Variants in HS3ST5 observed in about 807,000 individuals in gnomAD.
HS3ST5 encodes heparan sulfate glucosamine 3-O-sulfotransferase 5.
Under a neutral mutation model 25.4 loss-of-function variants are expected in HS3ST5, and 10 were observed. The observed-to-expected ratio is 0.39, with a 90% CI of 0.24 to 0.67. The LOEUF is 0.67. HS3ST5 is among the 30% of genes least tolerant of loss of function. HS3ST5 has a pLI of 0.44. For synonymous variants in HS3ST5, 170 were observed against 162.4 expected, an observed-to-expected ratio of 1.05 and a Z score of -0.36; for missense variants, 324 against 420.7, an observed-to-expected ratio of 0.77 and a Z score of 2.01.
At chr6:114,185,674 CATA>C (rs1323770726) in intron 2 of HS3ST5, among the ~76,000 whole-genome samples, 1 of 151,858 alleles carries the variant, frequency 6.6e-6, no homozygotes, top group Non-Finnish European at 1.5e-5. Flanking sequence ...TGGTAATTCT[CATA>C]ATATTTCAAG....
intron 3 of HS3ST5, 81 bp from the exon 4 acceptor site, chr6:114,062,958 G>T: frequency 1.4e-6 from 1 of 724,066 alleles, no homozygotes; most frequent in South Asian, 1.7e-5. Context: ...TGGAAGACAG[G>T]TGATAAGTGA....
chr6:114,220,234 A>T (rs1033807859), intron 2 of HS3ST5, among the ~76,000 whole-genome samples: 2 of 152,046 alleles, frequency 1.3e-5, no homozygotes, highest in African/African-American at 4.8e-5. Context: ...CAAATGCATA[A>T]TTTTTTATGA....
intron 1 of HS3ST5, among the ~76,000 whole-genome samples, chr6:114,316,448 T>C (rs1248202096): frequency 6.6e-6 from 1 of 152,190 alleles, no homozygotes. Flanking sequence ...CTGGAACACA[T>C]CCAGTATTGT....
chr6:114,111,620 A>G (rs1776273318), intron 3 of HS3ST5, among the ~76,000 whole-genome samples: 1 of 152,138 alleles, frequency 6.6e-6, no homozygotes, highest in Non-Finnish European at 1.5e-5. Flanking sequence ...ATAGAGGTCT[A>G]GGGGCCAGAA....
chr6:114,207,687 CTT>C (rs1444622793), intron 2 of HS3ST5, among the ~76,000 whole-genome samples: 4 of 152,070 alleles, frequency 2.6e-5, no homozygotes, highest in African/African-American at 9.7e-5. Context: ...ACCCATTTGT[CTT>C]TTACACCTTT....
chr6:114,276,743 G>A (rs1206881147), intron 1 of HS3ST5, among the ~76,000 whole-genome samples: 1 of 151,882 alleles, frequency 6.6e-6, no homozygotes, highest in African/African-American at 2.4e-5. Flanking sequence ...ATATAGGACA[G>A]TTTCTACAGC....
chr6:114,158,545 T>G (rs9374438), intron 3 of HS3ST5, among the ~76,000 whole-genome samples: 44,524 of 152,016 alleles, frequency 0.29, 6,894 homozygotes, highest in South Asian at 0.45. Flanking sequence ...TTTTTCCACA[T>G]AGCAGACAAA....
intron 2 of HS3ST5, among the ~76,000 whole-genome samples, chr6:114,220,251 A>G (rs1210403582): frequency 6.6e-6 from 1 of 152,132 alleles, no homozygotes; most frequent in African/African-American, 2.4e-5. Flanking sequence ...ATGATGTATT[A>G]TAATGCTTAA....
intron 3 of HS3ST5, among the ~76,000 whole-genome samples, chr6:114,077,854 A>G (rs976288960): frequency 4.6e-5 from 7 of 152,232 alleles, no homozygotes; most frequent in African/African-American, 1.7e-4. Context: ...CATTAAAAGT[A>G]TAATGGTATT....
chr6:114,273,537 C>T (rs1773719856), intron 1 of HS3ST5, among the ~76,000 whole-genome samples: 2 of 151,976 alleles, frequency 1.3e-5, no homozygotes, highest in African/African-American at 4.8e-5. Context: ...GCGTCTGAGC[C>T]TTATGACACT....
chr6:114,096,222 A>G (rs760099841), intron 3 of HS3ST5, among the ~76,000 whole-genome samples: 16 of 152,208 alleles, frequency 1.1e-4, no homozygotes, highest in Non-Finnish European at 2.1e-4. Flanking sequence ...TGAGCCCGTC[A>G]TCAAATCTTG....
chr6:114,282,914 A>AGTTT (rs746083198), intron 1 of HS3ST5, among the ~76,000 whole-genome samples: 1 of 152,002 alleles, frequency 6.6e-6, no homozygotes, highest in Non-Finnish European at 1.5e-5. Context: ...TTCCCTAAAC[A>AGTTT]GTTTTTTTAC....
At chr6:114,252,830 G>C (rs1490553377) in intron 1 of HS3ST5, among the ~76,000 whole-genome samples, 4 of 152,170 alleles carry the variant, frequency 2.6e-5, no homozygotes, top group Non-Finnish European at 5.9e-5. Flanking sequence ...TGCTATGCAA[G>C]AGAATTATAA....
At chr6:114,277,926 A>G (rs1773934090) in intron 1 of HS3ST5, among the ~76,000 whole-genome samples, 1 of 151,996 alleles carries the variant, frequency 6.6e-6, no homozygotes, top group Non-Finnish European at 1.5e-5. Context: ...TTTAAAATGT[A>G]TGTTAAAATT....
chr6:114,311,531 C>T (rs1775530301), intron 1 of HS3ST5, among the ~76,000 whole-genome samples: 1 of 124,780 alleles, frequency 8.0e-6, no homozygotes, highest in African/African-American at 3.1e-5. Context: ...TTCTTTCTTT[C>T]TCTCTCTCTT....
chr6:114,226,069 A>G (rs144120341), intron 2 of HS3ST5, among the ~76,000 whole-genome samples: 188 of 152,104 alleles, frequency 1.2e-3, no homozygotes, highest in Non-Finnish European at 2.3e-3. Flanking sequence ...GCTGGTTGTA[A>G]TAATGGTGAA....
At chr6:114,280,473 G>C (rs1232403865) in intron 1 of HS3ST5, among the ~76,000 whole-genome samples, 1 of 152,002 alleles carries the variant, frequency 6.6e-6, no homozygotes, top group Non-Finnish European at 1.5e-5. Context: ...GGGACACATT[G>C]CTGGGAAAGA....
At chr6:114,224,124 G>T (rs1455288751) in intron 2 of HS3ST5, among the ~76,000 whole-genome samples, 1 of 151,390 alleles carries the variant, frequency 6.6e-6, no homozygotes, top group African/African-American at 2.4e-5. Context: ...AATTTCTTTA[G>T]ATAGCATTTT....
At chr6:114,231,024 A>G (rs772137282) in intron 1 of HS3ST5, among the ~76,000 whole-genome samples, 11 of 152,062 alleles carry the variant, frequency 7.2e-5, no homozygotes, top group Non-Finnish European at 1.2e-4. Flanking sequence ...GTGAACTGTA[A>G]TCCCCAATGT....
Sources: gnomAD v4.1 joint callset for allele counts (sites outside exome capture counted in the v4.1 genomes callset) on GRCh38, gnomAD v4.1.1 for gene constraint, MANE v1.5 for transcripts, NCBI Gene and HGNC (gene_info 2026-07-23, HGNC 2026-07-21) for gene names.